Variants in LRRTM4 observed in about 807,000 individuals in gnomAD.
The protein encoded by LRRTM4 is leucine-rich repeat transmembrane neuronal protein 4.
A neutral mutation model predicts 47.6 loss-of-function variants in LRRTM4; 25 were observed. That is an observed-to-expected ratio of 0.53 (90% confidence interval 0.38 to 0.73). The LOEUF (loss-of-function observed/expected upper bound fraction) is 0.73. Among genes scored for constraint, LRRTM4 ranks in the 30% least tolerant of loss-of-function variants. The pLI is 0.00. For missense variants in LRRTM4, 638 were observed against 713.4 expected (o/e 0.89, Z 1.20); for synonymous variants, 311 against 269.5 (o/e 1.15, Z -1.51).
At chr2:77,427,073 G>A (rs1272446260) in intron 3 of LRRTM4, among the ~76,000 whole-genome samples, 2 of 151,546 alleles carry the variant, frequency 1.3e-5, no homozygotes, top group African/African-American at 4.9e-5. Flanking sequence ...CCGCCTCCTG[G>A]GTTCAAGTGA....
intron 3 of LRRTM4, among the ~76,000 whole-genome samples, chr2:76,850,569 A>G (rs994279062): frequency 6.6e-6 from 1 of 152,182 alleles, no homozygotes; most frequent in Non-Finnish European, 1.5e-5. Context: ...GGGATATAAG[A>G]GCGATTGAGA....
At chr2:76,936,101 G>C (rs779478819) in intron 3 of LRRTM4, among the ~76,000 whole-genome samples, 1 of 152,034 alleles carries the variant, frequency 6.6e-6, no homozygotes, top group African/African-American at 2.4e-5. Context: ...TATACCCAAA[G>C]GATTATAAAT....
intron 3 of LRRTM4, among the ~76,000 whole-genome samples, chr2:76,768,367 A>AT (rs34033520): frequency 0.046 from 7,053 of 152,244 alleles, 234 homozygotes; most frequent in Non-Finnish European, 0.073. Context: ...AAATTGATGC[A>AT]TTGGTGGATG....
At chr2:77,425,237 G>C (rs12618176) in intron 3 of LRRTM4, among the ~76,000 whole-genome samples, 2 of 151,894 alleles carry the variant, frequency 1.3e-5, no homozygotes, top group African/African-American at 4.8e-5. Flanking sequence ...CAAGTTTCTT[G>C]TAAGAACTCT....
At chr2:76,863,674 A>T (rs1291921391) in intron 3 of LRRTM4, among the ~76,000 whole-genome samples, 1 of 152,174 alleles carries the variant, frequency 6.6e-6, no homozygotes, top group African/African-American at 2.4e-5. Flanking sequence ...GGAGTTTTTC[A>T]AATAATAATA....
chr2:76,976,171 T>G (rs1024637858), intron 3 of LRRTM4, among the ~76,000 whole-genome samples: 5 of 151,848 alleles, frequency 3.3e-5, no homozygotes, highest in African/African-American at 4.8e-5. Context: ...GTATAAGCAA[T>G]GTTGTTACCA....
At chr2:77,359,951 T>A (rs1453939930) in intron 3 of LRRTM4, among the ~76,000 whole-genome samples, 5 of 152,228 alleles carry the variant, frequency 3.3e-5, no homozygotes, top group Non-Finnish European at 5.9e-5. Flanking sequence ...CCAAAATTTT[T>A]ACAAGTGCTA....
At chr2:77,329,138 T>A (rs1670881802) in intron 3 of LRRTM4, among the ~76,000 whole-genome samples, 1 of 152,332 alleles carries the variant, frequency 6.6e-6, no homozygotes, top group African/African-American at 2.4e-5. Flanking sequence ...AAACTGCTCA[T>A]CACAGAGGAG....
At chr2:77,043,078 G>T (rs1007749799) in intron 3 of LRRTM4, among the ~76,000 whole-genome samples, 8 of 151,706 alleles carry the variant, frequency 5.3e-5, no homozygotes, top group Non-Finnish European at 1.0e-4. Context: ...GGCCTACCCT[G>T]CCCTTGGACT....
At chr2:77,163,197 C>A (rs558593884) in intron 3 of LRRTM4, among the ~76,000 whole-genome samples, 1 of 152,030 alleles carries the variant, frequency 6.6e-6, no homozygotes, top group Non-Finnish European at 1.5e-5. Context: ...GCTTCGGTAG[C>A]CTATTCGATC....
At chr2:77,492,331 C>T (rs1024122550) in intron 3 of LRRTM4, among the ~76,000 whole-genome samples, 20 of 152,082 alleles carry the variant, frequency 1.3e-4, no homozygotes, top group African/African-American at 4.8e-4. Context: ...ATGAACATAG[C>T]TGACTGTCAC....
intron 3 of LRRTM4, among the ~76,000 whole-genome samples, chr2:77,226,654 T>G (rs1266348835): frequency 2.0e-5 from 3 of 151,824 alleles, no homozygotes; most frequent in Non-Finnish European, 4.4e-5. Context: ...ATTAAATAAG[T>G]AAAATGTATT....
chr2:76,884,519 T>A (rs550718429), intron 3 of LRRTM4, among the ~76,000 whole-genome samples: 1 of 152,306 alleles, frequency 6.6e-6, no homozygotes, highest in Admixed American at 6.5e-5. Context: ...ATATACTGCA[T>A]AAACCCATGC....
At chr2:77,012,348 G>C (rs1030786495) in intron 3 of LRRTM4, among the ~76,000 whole-genome samples, 9 of 151,996 alleles carry the variant, frequency 5.9e-5, no homozygotes, top group Non-Finnish European at 8.8e-5. Context: ...GGATGTTCTA[G>C]TAAAACCTCT....
At chr2:77,350,613 G>A (rs916435683) in intron 3 of LRRTM4, among the ~76,000 whole-genome samples, 2 of 152,004 alleles carry the variant, frequency 1.3e-5, no homozygotes, top group Non-Finnish European at 2.9e-5. Flanking sequence ...CAATAGAAAA[G>A]TCAAAAGGAC....
chr2:77,193,806 C>T (rs72913936), intron 3 of LRRTM4, among the ~76,000 whole-genome samples: 8,045 of 152,144 alleles, frequency 0.053, 697 homozygotes, highest in African/African-American at 0.18. Context: ...TTTCAGTCAC[C>T]ATGTGCAACT....
intron 3 of LRRTM4, among the ~76,000 whole-genome samples, chr2:77,367,470 T>C (rs925939063): frequency 2.6e-5 from 4 of 151,830 alleles, no homozygotes; most frequent in Non-Finnish European, 4.4e-5. Flanking sequence ...GTACAAAGCA[T>C]ATCTCAGGTG....
chr2:76,951,859 T>C (rs533229167), intron 3 of LRRTM4, among the ~76,000 whole-genome samples: 7 of 151,812 alleles, frequency 4.6e-5, no homozygotes, highest in African/African-American at 1.7e-4. Context: ...TCAACTCCCA[T>C]TTATGAGTGA....
chr2:76,748,759 C>A lies in LRRTM4; in HGVS notation c.1709G>T (p.Ser570Ile), dbSNP rs1223278417. ...SPGLELGRDH[S>I]FIATIARSAA... is the part of the protein sequence containing the mutation. ...CGACCTGGCGATGGTGGCGATGAAG[C>A]TGTGGTCTCGGCCCAGCTCCAGGCC... The change falls in exon 4 of 4, where the codon AGC becomes ATC. Residue 570 changes from serine to isoleucine, a missense_variant. Physicochemically the swap from Ser to Ile is moderately radical, Grantham distance 142. Coordinates refer to ENST00000409884, the MANE Select transcript of LRRTM4 (RefSeq NM_001134745.3). 1 of 1,613,934 alleles carries A rather than the reference C, an allele frequency of 6.2e-7. No homozygotes were observed. The highest frequency in any genetic ancestry group is 1.1e-5 in the South Asian group (1 of 91,086).
Sources: allele counts gnomAD v4.1 joint callset (sites outside exome capture counted in the v4.1 genomes callset), GRCh38; gene constraint gnomAD v4.1.1; transcripts MANE v1.5; gene names NCBI Gene and HGNC (gene_info 2026-07-23, HGNC 2026-07-21).